PIEZO2: variants seen among roughly 807,000 people sequenced by gnomAD.
The protein encoded by PIEZO2 is piezo type mechanosensitive ion channel component 2.
In PIEZO2, 172 loss-of-function variants were observed where a neutral mutation model predicts 337.3. The ratio of observed to expected loss-of-function variants is 0.51; its 90% confidence interval spans 0.45 to 0.58. The LOEUF is 0.58. Ranked by LOEUF, PIEZO2 falls within the 20% of genes least tolerant of loss-of-function variation. PIEZO2 has a pLI of 0.00. For missense variants in PIEZO2, 3,028 were observed against 3,391.3 expected, an observed-to-expected ratio of 0.89 and a Z score of 2.66; for synonymous variants, 1,251 against 1,228.5, an observed-to-expected ratio of 1.02 and a Z score of -0.38.
chr18:10,744,256 C>T, intron 30 of PIEZO2, 25 bp from the exon 31 acceptor site: 2 of 1,382,144 alleles, frequency 1.4e-6, no homozygotes, highest in Non-Finnish European at 2.0e-6. Flanking sequence ...GAAACATGAA[C>T]AAGTCAATAT....
Position 10,671,733 on chromosome 18 carries a change from C to T in PIEZO2, c.8392G>A (p.Val2798Ile). ...GAAATCCCACTGAAGAATTCACGGA[C>T]AAATTTCCCAATCACAAGGACAACT... The part of the protein sequence containing the change: ...ASVVLVIGKF[V>I]REFFSGISHS... The change falls in exon 56 of 56, where the codon GTC (valine) becomes ATC (isoleucine). Residue 2798 changes from valine (V) to isoleucine (I), a missense_variant. Val to Ile is a conservative substitution (Grantham distance 29). Coordinates refer to ENST00000674853, the MANE Select transcript of PIEZO2 (RefSeq NM_001378183.1). The T allele has an allele frequency of 6.2e-7, 1 of 1,613,756 alleles. No homozygotes were observed. Among genetic ancestry groups the T allele is most frequent in the Non-Finnish European group, 8.5e-7 (1 of 1,179,874 alleles).
chr18:11,018,210 TG>T (rs2036184646), intron 2 of PIEZO2, among the ~76,000 whole-genome samples: 2 of 141,118 alleles, frequency 1.4e-5, no homozygotes, highest in South Asian at 4.5e-4. Flanking sequence ...GTGGTGGTGG[TG>T]GTGGTGGTGG....
Position 11,129,649 on chromosome 18 carries a change from G to A in PIEZO2, c.64+18876C>T, listed in dbSNP as rs930253326. 9.9e-5 allele frequency among the ~76,000 whole-genome samples: 15 copies of A among 152,132 alleles called. No homozygotes were observed. The highest frequency in any genetic ancestry group is 1.9e-4 in the East Asian group (1 of 5,190). ...TTGAGGAAGAACCCCACTACATTAC[G>A]GACAATATATGCAGTGAATCTTTCT... On this transcript the variant is annotated intron_variant, in intron 1 of 55. Coordinates refer to ENST00000674853, the MANE Select transcript of PIEZO2 (RefSeq NM_001378183.1). This position sits in a 1 kb window ranked among gnomAD's most constrained non-coding sequence, Gnocchi z 4.6.
intron 20 of PIEZO2, among the ~76,000 whole-genome samples, chr18:10,772,171 G>A (rs1342189234): frequency 6.6e-6 from 1 of 152,148 alleles, no homozygotes; most frequent in Non-Finnish European, 1.5e-5. Flanking sequence ...TGTATACAGG[G>A]TTCTGTGTTA....
At chr18:10,725,367 G>A (rs1484019174) in intron 36 of PIEZO2, 6 of 1,605,934 alleles carry the variant, frequency 3.7e-6, no homozygotes. Flanking sequence ...GTCCCAGGCG[G>A]TGATGATGGT....
At position 10,775,163 on chromosome 18, in the gene PIEZO2, G is replaced by T. The variant is rs1386573316; in HGVS notation, c.2535-1125C>A. Among the ~76,000 whole-genome samples the T allele has an allele frequency of 6.6e-6, 1 of 152,140 alleles. No homozygotes were observed. On this transcript the variant is annotated intron_variant, in intron 18 of 55. Transcript: ENST00000674853. The surrounding 1 kb of genome is among the most constrained non-coding windows in gnomAD (Gnocchi z 4.3). ...GAGAATCTGAAGCGAGTTTTACATT[G>T]GTGGAAGGAGTTAGGCTGACATACT...
chr18:11,034,587 T>G (rs2036859162), intron 2 of PIEZO2, among the ~76,000 whole-genome samples: 1 of 152,144 alleles, frequency 6.6e-6, no homozygotes, highest in South Asian at 2.1e-4. Context: ...GCCACGCGCC[T>G]GGCTAAATGT....
Position 10,796,056 on chromosome 18 carries a change from T to A in PIEZO2, c.1528-1054A>T, listed in dbSNP as rs184572019. On this transcript the variant is annotated intron_variant, in intron 12 of 55. Transcript: ENST00000674853. Reference sequence around the variant, plus strand: ...CTAGGGAACCACGGTTGCTTGATGCTCATATTGGTAAAACATTATTGCTGC... The same window carrying A: ...CTAGGGAACCACGGTTGCTTGATGCACATATTGGTAAAACATTATTGCTGC... 7.4e-4 allele frequency among the ~76,000 whole-genome samples: 113 copies of A among 152,162 alleles called. 1 individual carries two copies. The highest frequency in any genetic ancestry group is 1.4e-3 in the Non-Finnish European group (92 of 67,992).
chr18:10,909,913 G>C (rs943262374), intron 4 of PIEZO2, among the ~76,000 whole-genome samples: 1 of 152,218 alleles, frequency 6.6e-6, no homozygotes, highest in African/African-American at 2.4e-5. Flanking sequence ...AACAGCGATG[G>C]TGCTGATGTA....
chr18:10,760,354 G>C (rs560569942), intron 24 of PIEZO2, among the ~76,000 whole-genome samples: 1 of 152,306 alleles, frequency 6.6e-6, no homozygotes, highest in African/African-American at 2.4e-5. Context: ...ACCCAGGCTA[G>C]AGTGCAGTGG....
At chr18:11,088,783 G>T (rs2146026705) in intron 1 of PIEZO2, among the ~76,000 whole-genome samples, 1 of 152,290 alleles carries the variant, frequency 6.6e-6, no homozygotes, top group South Asian at 2.1e-4. Flanking sequence ...CCAGTCAGAA[G>T]CCAGAAGGCA....
intron 2 of PIEZO2, among the ~76,000 whole-genome samples, chr18:11,029,849 C>G (rs913510095): frequency 6.6e-6 from 1 of 152,154 alleles, no homozygotes; most frequent in South Asian, 2.1e-4. Flanking sequence ...CTATACAGCC[C>G]CCTTAATTGT....
chr18:10,712,058 A>T (rs2035841801), intron 39 of PIEZO2, among the ~76,000 whole-genome samples: 1 of 152,232 alleles, frequency 6.6e-6, no homozygotes. Context: ...TCATCCTATC[A>T]TTCTCTTGGT....
At chr18:10,732,388 C>G (rs546957307) in intron 35 of PIEZO2, among the ~76,000 whole-genome samples, 2 of 152,284 alleles carry the variant, frequency 1.3e-5, no homozygotes, top group South Asian at 4.1e-4. Flanking sequence ...TCTGGGAGCT[C>G]TTTAAACCCA....
intron 27 of PIEZO2, among the ~76,000 whole-genome samples, chr18:10,756,382 A>G (rs1598437129): frequency 6.7e-6 from 1 of 149,668 alleles, no homozygotes; most frequent in Non-Finnish European, 1.5e-5. Context: ...ATGTAGATAA[A>G]GGATGAAAGA....
At position 10,858,005 on chromosome 18, in the gene PIEZO2, CT is replaced by C. The variant is rs113821994; in HGVS notation, c.493-795del. Among the ~76,000 whole-genome samples, 265 of 138,810 alleles carry C rather than the reference CT, an allele frequency of 1.9e-3. 1 individual carries two copies. Among genetic ancestry groups the C allele is most frequent in the Middle Eastern group, 3.8e-3 (1 of 262 alleles). The allele number at this position is 138,810 out of a possible 152,430, so 91.1% of individuals were successfully genotyped here. On this transcript the variant is annotated intron_variant, in intron 5 of 55. Transcript: ENST00000674853. ...CTTTTTCTTTTTTCTTTCTTTCTTT[CT>C]TTTTTTTTTTTTTTAAAGAAATCAT...
chr18:10,859,189 C>T lies in PIEZO2; in HGVS notation c.493-1978G>A, dbSNP rs2041807104. ...TCTGAATGTCACAAAGTTACCAGCC[C>T]TGTGAAAGTCCTGGCAAAGTGCATT... On this transcript the variant is annotated intron_variant, in intron 5 of 55. Transcript: ENST00000674853. The surrounding 1 kb of genome is among the most constrained non-coding windows in gnomAD (Gnocchi z 4.9). 6.6e-6 allele frequency among the ~76,000 whole-genome samples: 1 copy of T among 152,138 alleles called. No individual in the cohort carries two copies. The highest frequency in any genetic ancestry group is 2.4e-5 in the African/African-American group (1 of 41,428).
intron 7 of PIEZO2, among the ~76,000 whole-genome samples, chr18:10,842,135 C>A (rs1380233570): frequency 1.4e-5 from 2 of 140,366 alleles, no homozygotes; most frequent in Non-Finnish European, 3.0e-5. Context: ...GGCGACAAAG[C>A]GAGACTCCGT....
At chr18:10,729,780 C>T (rs151198932) in intron 36 of PIEZO2, among the ~76,000 whole-genome samples, 5 of 152,230 alleles carry the variant, frequency 3.3e-5, no homozygotes, top group African/African-American at 9.6e-5. Context: ...ATTATATGCA[C>T]CCATTAAAAA....
Sources: gnomAD v4.1 joint callset for allele counts (sites outside exome capture counted in the v4.1 genomes callset) on GRCh38, gnomAD v4.1.1 for gene constraint, Gnocchi (gnomAD v3.1) non-coding constraint, MANE v1.5 for transcripts, NCBI Gene and HGNC (gene_info 2026-07-23, HGNC 2026-07-21) for gene names.